The following RAPH1 variants were observed in gnomAD, a reference collection of about 807,000 sequenced individuals.
The protein encoded by RAPH1 is ras-associated and pleckstrin homology domains-containing protein 1.
In RAPH1, 18 loss-of-function variants were observed where a neutral mutation model predicts 88.1. That is an observed-to-expected ratio of 0.20 (90% confidence interval 0.14 to 0.30). RAPH1 has a LOEUF of 0.30. Among genes scored for constraint, RAPH1 ranks in the 10% least tolerant of loss-of-function variants. The probability of loss-of-function intolerance (pLI) is 1.00; values close to 1 mark genes in which losing one functional copy is unlikely to be tolerated. For missense variants in RAPH1, 1,448 were observed against 1,543.2 expected (o/e 0.94, Z 1.03); for synonymous variants, 587 against 559.0 (o/e 1.05, Z -0.71).
chr2:203,500,938 T>C (rs1372012574), intron 1 of RAPH1, among the ~76,000 whole-genome samples: 1 of 152,200 alleles, frequency 6.6e-6, no homozygotes, highest in African/African-American at 2.4e-5. Flanking sequence ...TTTCCAGTTA[T>C]GTTTCAGTAG....
chr2:203,438,068 A>G lies in RAPH1; in HGVS notation c.*1369T>C. The G allele has an allele frequency of 2.0e-6, 1 of 498,902 alleles. No individual in the cohort carries two copies. The highest frequency in any genetic ancestry group is 1.5e-5 in the South Asian group (1 of 67,792). 30.9% of individuals were successfully genotyped at this position (498,902 alleles called of 1,614,324 possible). On this transcript the variant is annotated 3_prime_UTR_variant, in exon 14 of 14. Coordinates refer to ENST00000319170, the MANE Select transcript of RAPH1 (RefSeq NM_213589.3). Reference sequence around the variant, plus strand: ...CGTTAGAGCACTGACTCCACGTTATACCAAACTGCACACGCATAAAACGTA... The same window carrying G: ...CGTTAGAGCACTGACTCCACGTTATGCCAAACTGCACACGCATAAAACGTA...
Position 203,439,501 on chromosome 2 carries a change from C to T in RAPH1, c.3689G>A (p.Arg1230Gln), listed in dbSNP as rs140901351. ...GSHISGYATL[R>Q]RGPPPAPPKR... The stretch of plus-strand genomic sequence containing the variant: ...GGGGGGAGCAGGAGGGGGTCCTCTC[C>T]GCAACGTTGCATAGCCTGATATATG... Residue 1230 changes from arginine to glutamine, a missense_variant, in exon 14 of 14, where the codon CGG (arginine) becomes CAG (glutamine). Coordinates refer to ENST00000319170, the MANE Select transcript of RAPH1 (RefSeq NM_213589.3). The T allele has an allele frequency of 4.0e-5, 64 of 1,613,878 alleles. No individual in the cohort carries two copies. Among genetic ancestry groups the T allele is most frequent in the Non-Finnish European group, 4.7e-5 (56 of 1,180,020 alleles).
chr2:203,526,484 C>T (rs779171462), intron 1 of RAPH1, among the ~76,000 whole-genome samples: 3 of 151,914 alleles, frequency 2.0e-5, no homozygotes, highest in Non-Finnish European at 4.4e-5. Flanking sequence ...CAGCACTTTG[C>T]GAGGCCAAGG....
intron 4 of RAPH1, chr2:203,477,197 G>A (rs377511024): frequency 2.7e-6 from 4 of 1,478,854 alleles, no homozygotes; most frequent in Non-Finnish European, 3.8e-6. Flanking sequence ...AGGTAAAGGA[G>A]GTGAAACGGG....
intron 1 of RAPH1, among the ~76,000 whole-genome samples, chr2:203,522,213 T>C (rs1045464144): frequency 6.6e-6 from 1 of 152,216 alleles, no homozygotes; most frequent in African/African-American, 2.4e-5. Flanking sequence ...ATTTCTAGCA[T>C]TGTCACATCA....
chr2:203,447,816 A>G (rs960280867), intron 12 of RAPH1, 143 bp downstream of exon 12: 4 of 752,220 alleles, frequency 5.3e-6, no homozygotes, highest in Non-Finnish European at 8.3e-6. Context: ...CAATTTTTAA[A>G]AAGGCATCTA....
In RAPH1 at chr2:203,439,476, G is replaced by A. The variant is rs143319872; in HGVS notation, c.3714C>T (p.Pro1238=). The change falls in exon 14 of 14, where the codon CCC becomes CCT. Residue 1238 remains proline (P), a synonymous_variant. Coordinates refer to ENST00000319170, the MANE Select transcript of RAPH1 (RefSeq NM_213589.3). ...TLRRGPPPAP[P]KRDQNTKLSR... ...AGAGCTTGGTGTTCTGGTCTCTTTT[G>A]GGGGGAGCAGGAGGGGGTCCTCTCC... 52 of 1,613,800 alleles carry A rather than the reference G, an allele frequency of 3.2e-5. No homozygotes were observed. The highest frequency in any genetic ancestry group is 8.3e-5 in the Admixed American group (5 of 60,006).
chr2:203,498,023 G>A (rs1171716303), intron 1 of RAPH1, among the ~76,000 whole-genome samples: 1 of 152,106 alleles, frequency 6.6e-6, no homozygotes. Flanking sequence ...AGGTTAATAA[G>A]TAATATAATC....
At position 203,438,352 on chromosome 2, in the gene RAPH1, C is replaced by A; in HGVS notation, c.*1085G>T. The A allele has an allele frequency of 3.0e-6, 1 of 332,334 alleles. No homozygotes were observed. The highest frequency in any genetic ancestry group is 2.4e-5 in the South Asian group (1 of 42,196). 20.6% of individuals were successfully genotyped at this position (332,334 alleles called of 1,614,324 possible). On this transcript the variant is annotated 3_prime_UTR_variant, in exon 14 of 14. Coordinates refer to ENST00000319170, the MANE Select transcript of RAPH1 (RefSeq NM_213589.3). ...CCCTTCCCTTCTATAGAGCAATGCT[C>A]AAAAAATGCATTTTAGAAAATGATT...
intron 3 of RAPH1, 85 bp downstream of exon 3, chr2:203,491,129 T>C (rs1688245709): frequency 1.3e-6 from 1 of 749,052 alleles, no homozygotes; most frequent in Non-Finnish European, 2.2e-6. Flanking sequence ...ATATCGAGTT[T>C]TTATATTGGG....
At chr2:203,488,544 G>A (rs1446171610) in intron 4 of RAPH1, among the ~76,000 whole-genome samples, 1 of 123,722 alleles carries the variant, frequency 8.1e-6, no homozygotes, top group Non-Finnish European at 1.6e-5. Context: ...CCAAGATCAT[G>A]CCACTGCACT....
intron 1 of RAPH1, among the ~76,000 whole-genome samples, chr2:203,518,318 C>T (rs1189256319): frequency 6.6e-6 from 1 of 152,012 alleles, no homozygotes; most frequent in African/African-American, 2.4e-5. Context: ...GAGTTTGAGA[C>T]CAGCCTGGCC....
chr2:203,470,901 T>C (rs1292511578), intron 4 of RAPH1, among the ~76,000 whole-genome samples: 3 of 152,144 alleles, frequency 2.0e-5, no homozygotes, highest in East Asian at 1.9e-4. Context: ...AGAATAAAAA[T>C]AGGAGTATAC....
At chr2:203,516,076 T>C (rs1038138409) in intron 1 of RAPH1, among the ~76,000 whole-genome samples, 2 of 152,210 alleles carry the variant, frequency 1.3e-5, no homozygotes, top group Non-Finnish European at 1.5e-5. Flanking sequence ...TGCTTATGTA[T>C]GCTTACATAT....
intron 4 of RAPH1, among the ~76,000 whole-genome samples, chr2:203,481,257 TG>T (rs1210844386): frequency 6.6e-6 from 1 of 152,084 alleles, no homozygotes; most frequent in Non-Finnish European, 1.5e-5. Flanking sequence ...CATGATATGG[TG>T]GTATGAGCTC....
chr2:203,446,870 AG>A (rs2098510176), intron 12 of RAPH1: 1 of 150,194 alleles, frequency 6.7e-6, no homozygotes, highest in African/African-American at 2.5e-5. Flanking sequence ...CAGCCTCCTG[AG>A]TTGCTAGGAC....
rs2098511517 is a variant in RAPH1 at position 203,448,008 on chromosome 2, G to A, written c.1584C>T (p.Ser528=). Residue 528 remains serine, a synonymous_variant, in exon 12 of 14, where the codon TCC becomes TCT. Coordinates refer to ENST00000319170, the MANE Select transcript of RAPH1 (RefSeq NM_213589.3). This position sits in a 1 kb window ranked among gnomAD's most constrained non-coding sequence, Gnocchi z 4.1. ...KRTESAYDWT[S]LSSSSIKSGS... ...CCGATTTAATGCTGGAGCTGGATAA[G>A]GAAGTCCAATCATAGGCTGACTCTG... 6.2e-7 allele frequency: 1 copy of A among 1,613,920 alleles called. No homozygotes were observed. Among genetic ancestry groups the A allele is most frequent in the East Asian group, 2.2e-5 (1 of 44,840 alleles).
intron 13 of RAPH1, chr2:203,442,143 C>T: frequency 6.8e-7 from 1 of 1,464,694 alleles, no homozygotes. Flanking sequence ...AAATATCATA[C>T]AGAAAAAGCC....
intron 1 of RAPH1, among the ~76,000 whole-genome samples, chr2:203,511,791 C>A (rs1689352036): frequency 6.6e-6 from 1 of 152,088 alleles, no homozygotes. Context: ...ATATGAAAAA[C>A]CAAAATCCAC....
Sources: allele counts gnomAD v4.1 joint callset (sites outside exome capture counted in the v4.1 genomes callset), GRCh38; gene constraint gnomAD v4.1.1; non-coding constraint Gnocchi (gnomAD v3.1); transcripts MANE v1.5; gene names NCBI Gene and HGNC (gene_info 2026-07-23, HGNC 2026-07-21).